Variants in UBR2 observed in about 807,000 individuals in gnomAD.
The protein encoded by UBR2 is ubiquitin protein ligase E3 component n-recognin 2.
UBR2 carries 92 observed loss-of-function variants against 247.9 expected under a neutral mutation model. The observed-to-expected ratio is 0.37, with a 90% CI of 0.31 to 0.44. The LOEUF (loss-of-function observed/expected upper bound fraction) is 0.44, where lower values mean the gene tolerates loss of function less well. Among genes scored for constraint, UBR2 ranks in the 20% least tolerant of loss-of-function variants. The probability of loss-of-function intolerance (pLI) is 1.00; values close to 1 mark genes in which losing one functional copy is unlikely to be tolerated. For synonymous variants in UBR2, 672 were observed against 693.5 expected (o/e 0.97, Z 0.49); for missense variants, 1,613 against 2,112.6 (o/e 0.76, Z 4.64).
chr6:42,568,528 G>C (rs1456547823), intron 1 of UBR2, among the ~76,000 whole-genome samples: 1 of 152,088 alleles, frequency 6.6e-6, no homozygotes, highest in African/African-American at 2.4e-5. Context: ...AGGAGATCGA[G>C]ACCATCCTGG....
intron 2 of UBR2, among the ~76,000 whole-genome samples, chr6:42,583,090 C>T (rs899176552): frequency 6.6e-6 from 1 of 152,048 alleles, no homozygotes; most frequent in Non-Finnish European, 1.5e-5. Flanking sequence ...CTATTTTCTC[C>T]TAGGCTGTGG....
chr6:42,676,219 T>G (rs1261580688), intron 39 of UBR2, 28 bp downstream of exon 39: 2 of 1,537,334 alleles, frequency 1.3e-6, no homozygotes, highest in Non-Finnish European at 1.7e-6. Flanking sequence ...GTCAGTTTCT[T>G]GAAGGAAATA....
At chr6:42,687,573 C>T (rs2151997359) in intron 44 of UBR2, among the ~76,000 whole-genome samples, 1 of 151,436 alleles carries the variant, frequency 6.6e-6, no homozygotes, top group African/African-American at 2.4e-5. Flanking sequence ...CAGGGTCTCA[C>T]TCTGTTGCCC....
intron 22 of UBR2, 32 bp downstream of exon 22, chr6:42,648,202 T>C (rs776055949): frequency 1.7e-5 from 27 of 1,589,566 alleles, no homozygotes; most frequent in Non-Finnish European, 2.3e-5. Flanking sequence ...TCACATTCTT[T>C]TTTACTTTTC....
rs778720546 is a variant in UBR2 at position 42,648,170 on chromosome 6, A to G, written c.2462A>G (p.Lys821Arg). The G allele has an allele frequency of 3.9e-5, 63 of 1,613,222 alleles. No individual in the cohort carries two copies. The highest frequency in any genetic ancestry group is 3.3e-4 in the Middle Eastern group (2 of 6,082). ...GTAATCGAAGCAGTTGCCCATTTCAAGTGAGTTTACTTCCTATTATTTCAC... is the reference window on the plus strand; with the variant it reads ...GTAATCGAAGCAGTTGCCCATTTCAGGTGAGTTTACTTCCTATTATTTCAC... ...ESVIEAVAHF[K>R]KPGLTGRGMY... Residue 821 changes from lysine to arginine, a missense_variant and splice_region_variant, in exon 22 of 47, where the codon AAG becomes AGG. Physicochemically the swap from Lys to Arg is conservative, Grantham distance 26 (BLOSUM62 2). Coordinates refer to ENST00000372901, the MANE Select transcript of UBR2 (RefSeq NM_001363705.2).
In UBR2 at chr6:42,692,477, GAT is replaced by G. The variant is rs1799797312; in HGVS notation, c.*1305_*1306del. 2.0e-5 allele frequency: 3 copies of G among 152,192 alleles called. No individual in the cohort carries two copies. Among genetic ancestry groups the G allele is most frequent in the African/African-American group, 7.2e-5 (3 of 41,456 alleles). 9.4% of individuals were successfully genotyped at this position (152,192 alleles called of 1,614,324 possible). A position where few individuals can be genotyped will look rare whatever the true frequency, so the allele number is the denominator to read the frequency against. On this transcript the variant is annotated 3_prime_UTR_variant, in exon 47 of 47. Coordinates refer to ENST00000372901, the MANE Select transcript of UBR2 (RefSeq NM_001363705.2). The stretch of plus-strand genomic sequence containing the variant: ...ATGTACCACACAACTACTATTGTTT[GAT>G]GTATGACTGCTGAGAGCTTGAATAC...
intron 3 of UBR2, 62 bp from the exon 4 acceptor site, chr6:42,594,129 T>C: frequency 7.9e-7 from 1 of 1,271,798 alleles, no homozygotes. Flanking sequence ...ATATTCTTAT[T>C]TATTATCTGA....
intron 16 of UBR2, 113 bp downstream of exon 16, chr6:42,640,383 G>T: frequency 5.8e-6 from 1 of 171,014 alleles, no homozygotes; most frequent in Non-Finnish European, 1.0e-5. Context: ...GAACCAGTAA[G>T]GTGTGTGTGT....
At chr6:42,633,046 A>G in intron 13 of UBR2, 142 bp downstream of exon 13, 5 of 535,006 alleles carry the variant, frequency 9.3e-6, no homozygotes, top group Non-Finnish European at 1.2e-5. Flanking sequence ...GTGGCTAGTC[A>G]TAGACACAAC....
chr6:42,589,262 C>G (rs928655541), intron 2 of UBR2, among the ~76,000 whole-genome samples: 2 of 152,194 alleles, frequency 1.3e-5, no homozygotes, highest in African/African-American at 4.8e-5. Context: ...AGCCACTGCA[C>G]CAACTATCAG....
intron 21 of UBR2, among the ~76,000 whole-genome samples, 187 bp downstream of exon 21, chr6:42,645,777 A>T (rs1796719539): frequency 6.6e-6 from 1 of 152,220 alleles, no homozygotes. Context: ...AAAACAGAAT[A>T]GTAATAGAAT....
At chr6:42,646,127 G>T (rs748680805) in intron 21 of UBR2, among the ~76,000 whole-genome samples, 2 of 152,124 alleles carry the variant, frequency 1.3e-5, no homozygotes, top group African/African-American at 4.8e-5. Flanking sequence ...TTTCCTTCCA[G>T]GGGTGATAAG....
At chr6:42,632,496 G>A in intron 11 of UBR2, 56 bp from the exon 12 acceptor site, 1 of 1,418,388 alleles carries the variant, frequency 7.1e-7, no homozygotes. Context: ...TTTTTTTTTA[G>A]TCTTCCTAGT....
At position 42,564,299 on chromosome 6, in the gene UBR2, T is replaced by C. The variant is rs1192590630; in HGVS notation, c.-21T>C. The C allele has an allele frequency of 1.9e-6, 3 of 1,602,852 alleles. No individual in the cohort carries two copies. The highest frequency in any genetic ancestry group is 1.1e-5 in the South Asian group (1 of 88,952). On this transcript the variant is annotated 5_prime_UTR_variant, in exon 1 of 47. Transcript: ENST00000372901. The stretch of plus-strand genomic sequence containing the variant: ...GCAGCTCTCCGGGCGGCGGTAGCGC[T>C]GGGGAGGAGGAGGAGAGAAGATGGC...
intron 4 of UBR2, among the ~76,000 whole-genome samples, chr6:42,595,511 C>G (rs1792909834): frequency 6.6e-6 from 1 of 152,090 alleles, no homozygotes; most frequent in East Asian, 1.9e-4. Context: ...TTTGGGAAGC[C>G]AAGGCGGGTG....
chr6:42,685,468 AT>A (rs35244800), intron 44 of UBR2, among the ~76,000 whole-genome samples: 33,051 of 144,704 alleles, frequency 0.23, 3,558 homozygotes, highest in Middle Eastern at 0.26. Context: ...GCCCTTAGTA[AT>A]TTTTTTTTTT....
intron 11 of UBR2, chr6:42,620,452 TC>T (rs2151943275): frequency 6.6e-6 from 1 of 151,966 alleles, no homozygotes; most frequent in East Asian, 1.9e-4. Context: ...TTTTTTCCAC[TC>T]TTGTTTACTT....
In UBR2 at chr6:42,594,298, A is replaced by G; in HGVS notation, c.525A>G (p.Glu175=). 1 of 1,604,060 alleles carries G rather than the reference A, an allele frequency of 6.2e-7. No homozygotes were observed. Among genetic ancestry groups the G allele is most frequent in the Admixed American group, 1.7e-5 (1 of 58,888 alleles). The change falls in exon 4 of 47, where the codon GAA becomes GAG. Residue 175 remains glutamate (E), a synonymous_variant. Coordinates refer to ENST00000372901, the MANE Select transcript of UBR2 (RefSeq NM_001363705.2). ...KHELNTSEIE[E]EEDPLVHLSE... is the part of the protein sequence containing the mutation. ...AACTTAACACCTCTGAAATTGAGGAAGAAGAGGTAAAAACATTTTCACAAA... is the reference window on the plus strand; with the variant it reads ...AACTTAACACCTCTGAAATTGAGGAGGAAGAGGTAAAAACATTTTCACAAA...
chr6:42,593,479 T>C (rs770869647), intron 3 of UBR2, among the ~76,000 whole-genome samples: 22 of 152,228 alleles, frequency 1.4e-4, no homozygotes, highest in Non-Finnish European at 2.9e-4. Flanking sequence ...AAATTTGCTG[T>C]ATCTAATACC....
Sources: allele counts gnomAD v4.1 joint callset (sites outside exome capture counted in the v4.1 genomes callset), GRCh38; gene constraint gnomAD v4.1.1; transcripts MANE v1.5; gene names NCBI Gene and HGNC (gene_info 2026-07-23, HGNC 2026-07-21).